Variants in COL18A1 observed in about 807,000 individuals in gnomAD.
COL18A1 encodes the protein collagen type XVIII alpha 1 chain.
In COL18A1, 133 loss-of-function variants were observed where a neutral mutation model predicts 168.0. The ratio of observed to expected loss-of-function variants is 0.79; its 90% CI spans 0.69 to 0.91. The LOEUF is 0.91. COL18A1 is among the 40% of genes least tolerant of loss of function. COL18A1 has a pLI of 0.00. For synonymous variants in COL18A1, 949 were observed against 809.0 expected, an observed-to-expected ratio of 1.17 and a Z score of -2.94; for missense variants, 2,126 against 1,925.4, an observed-to-expected ratio of 1.10 and a Z score of -1.95.
chr21:45,464,984 G>A (rs2035153643), intron 2 of COL18A1, among the ~76,000 whole-genome samples: 1 of 152,140 alleles, frequency 6.6e-6, no homozygotes, highest in African/African-American at 2.4e-5. Context: ...CATATGCATG[G>A]GAGTCTTACT....
chr21:45,476,555 T>G, intron 6 of COL18A1, 75 bp downstream of exon 6: 1 of 1,513,086 alleles, frequency 6.6e-7, no homozygotes, highest in South Asian at 1.2e-5. Context: ...TGTGTGATGG[T>G]GAGGTATGTG....
intron 2 of COL18A1, among the ~76,000 whole-genome samples, chr21:45,440,587 C>T (rs2034342660): frequency 6.6e-6 from 1 of 151,040 alleles, no homozygotes; most frequent in African/African-American, 2.4e-5. Flanking sequence ...GAGCCACGTT[C>T]CCCGGAAGCA....
At position 45,509,496 on chromosome 21, in the gene COL18A1, GC is replaced by G; in HGVS notation, c.3394del (p.Gln1132SerfsTer119). ...TGGCCAGCCCCCCTCGCCTGCCCGA[GC>G]CCCAGCCCTACCCCGGAGCCCCGCA... ...ILASPPRLPE[P>X]QPYPGAPHHS... On this transcript the variant is annotated frameshift_variant, in exon 39 of 42. Coordinates refer to ENST00000651438, the MANE Select transcript of COL18A1 (RefSeq NM_001379500.1). LOFTEE classifies it high-confidence loss of function. 1.3e-6 allele frequency: 2 copies of G among 1,529,900 alleles called. No individual in the cohort carries two copies. The highest frequency in any genetic ancestry group is 1.8e-6 in the Non-Finnish European group (2 of 1,136,122). 94.8% of individuals were successfully genotyped at this position (1,529,900 alleles called of 1,614,324 possible).
rs1252192277 is a variant in COL18A1 at position 45,498,930 on chromosome 21, T to C, written c.2683+1269T>C. On this transcript the variant is annotated intron_variant, in intron 32 of 41. Coordinates refer to ENST00000651438, the MANE Select transcript of COL18A1 (RefSeq NM_001379500.1). This position sits in a 1 kb window ranked among gnomAD's most constrained non-coding sequence, Gnocchi z 4.5. ...CGGAACAGTTGGAGATTGAGACCTG[T>C]GTATAGGTTTTGGTCGACGTGGGAT... Among the ~76,000 whole-genome samples, 1 of 152,082 alleles carries C rather than the reference T, an allele frequency of 6.6e-6. No homozygotes were observed. Among genetic ancestry groups the C allele is most frequent in the Non-Finnish European group, 1.5e-5 (1 of 68,010 alleles).
At chr21:45,505,689 A>G (rs568974522) in intron 36 of COL18A1, 149 bp from the exon 37 acceptor site, 8 of 710,862 alleles carry the variant, frequency 1.1e-5, no homozygotes, top group Non-Finnish European at 1.9e-5. Context: ...AGGGGTCCCC[A>G]TGGTGCTCAT....
chr21:45,483,761 G>T (rs1158636027), intron 15 of COL18A1, among the ~76,000 whole-genome samples: 1 of 152,240 alleles, frequency 6.6e-6, no homozygotes. Context: ...AGGGAAGGAA[G>T]GCCAGTGGGG....
chr21:45,458,280 C>T (rs1393113489), intron 2 of COL18A1, among the ~76,000 whole-genome samples: 4 of 150,496 alleles, frequency 2.7e-5, no homozygotes, highest in South Asian at 2.1e-4. Context: ...GTTGGCATCT[C>T]GTAGGGCTGG....
chr21:45,484,156 C>T (rs1165152470), intron 15 of COL18A1, among the ~76,000 whole-genome samples: 8 of 144,834 alleles, frequency 5.5e-5, no homozygotes, highest in Admixed American at 5.5e-4. Flanking sequence ...CACACCTCTC[C>T]AGCATATGTA....
intron 38 of COL18A1, among the ~76,000 whole-genome samples, chr21:45,507,853 C>T (rs1456980029): frequency 2.0e-5 from 3 of 152,232 alleles, no homozygotes; most frequent in Non-Finnish European, 4.4e-5. Context: ...GTTGTGTCTG[C>T]CGCTCATTGC....
chr21:45,495,696 C>A, intron 29 of COL18A1: 1 of 461,314 alleles, frequency 2.2e-6, no homozygotes, highest in Non-Finnish European at 4.0e-6. Context: ...ACATACATGC[C>A]CATACACACG....
At chr21:45,492,388 G>T in intron 22 of COL18A1, 147 bp from the exon 23 acceptor site, 2 of 950,276 alleles carry the variant, frequency 2.1e-6, no homozygotes, top group Non-Finnish European at 1.7e-6. Flanking sequence ...TGCTGCAGGA[G>T]GGATGCCCCA....
intron 13 of COL18A1, among the ~76,000 whole-genome samples, chr21:45,481,759 C>T (rs1282825965): frequency 2.0e-5 from 3 of 152,250 alleles, no homozygotes; most frequent in Non-Finnish European, 2.9e-5. Flanking sequence ...GCTCTGCCAT[C>T]TCATCCTGCC....
intron 3 of COL18A1, among the ~76,000 whole-genome samples, chr21:45,469,501 G>A (rs1395170726): frequency 6.6e-6 from 1 of 152,336 alleles, no homozygotes; most frequent in Non-Finnish European, 1.5e-5. Context: ...AGCGGTGAAC[G>A]CACGTGGCCG....
chr21:45,464,399 C>T (rs1227990317), intron 2 of COL18A1, among the ~76,000 whole-genome samples: 1 of 152,208 alleles, frequency 6.6e-6, no homozygotes, highest in South Asian at 2.1e-4. Flanking sequence ...GAGGGTGGAA[C>T]AGAGCTCCTG....
At chr21:45,477,700 G>A (rs1463178956) in intron 7 of COL18A1, 50 bp from the exon 8 acceptor site, 2 of 1,466,876 alleles carry the variant, frequency 1.4e-6, no homozygotes, top group South Asian at 1.3e-5. Flanking sequence ...CGTGGGCAGG[G>A]TGTGTGGGGC....
chr21:45,467,380 C>G (rs1047177616), intron 2 of COL18A1: 1 of 985,346 alleles, frequency 1.0e-6, no homozygotes, highest in Non-Finnish European at 1.2e-6. Context: ...GGCATTTGCA[C>G]GGAGCAGCGG....
intron 2 of COL18A1, chr21:45,456,878 G>A (rs975930784): frequency 1.4e-6 from 2 of 1,440,802 alleles, no homozygotes; most frequent in Non-Finnish European, 9.1e-7. Flanking sequence ...TGGGCCGGCT[G>A]CAGGTAACTG....
In COL18A1 at chr21:45,482,834, T is replaced by C; in HGVS notation, c.1701+13T>C. 1.9e-6 allele frequency: 3 copies of C among 1,614,110 alleles called. No homozygotes were observed. The highest frequency in any genetic ancestry group is 2.5e-6 in the Non-Finnish European group (3 of 1,180,010). On this transcript the variant is annotated intron_variant, in intron 15 of 41. Coordinates refer to ENST00000651438, the MANE Select transcript of COL18A1 (RefSeq NM_001379500.1). ...CCCAGGACATAAGGTACAAGCAGAATCCCTGGCACATCAGTCCCCTGCCCC... is the reference window on the plus strand; with the variant it reads ...CCCAGGACATAAGGTACAAGCAGAACCCCTGGCACATCAGTCCCCTGCCCC...
chr21:45,483,151 A>G (rs1046269009), intron 15 of COL18A1, among the ~76,000 whole-genome samples: 1 of 152,268 alleles, frequency 6.6e-6, no homozygotes, highest in Admixed American at 6.5e-5. Flanking sequence ...AAGCAGCTCC[A>G]GGAGCTTTGG....
Sources: allele counts gnomAD v4.1 joint callset (sites outside exome capture counted in the v4.1 genomes callset), GRCh38; gene constraint gnomAD v4.1.1; non-coding constraint Gnocchi (gnomAD v3.1); transcripts MANE v1.5; gene names NCBI Gene and HGNC (gene_info 2026-07-23, HGNC 2026-07-21).